CCDC171: variants seen among roughly 807,000 people sequenced by gnomAD.
The protein encoded by CCDC171 is coiled-coil domain containing 171.
In CCDC171, 177 loss-of-function variants were observed where a neutral mutation model predicts 168.2. That is an observed-to-expected ratio of 1.05 (90% CI 0.93 to 1.19). The LOEUF is 1.19. CCDC171 is among the 50% of genes most tolerant of loss of function. The probability of loss-of-function intolerance (pLI) is 0.00; values close to 1 mark genes in which losing one functional copy is unlikely to be tolerated. For synonymous variants in CCDC171, 687 were observed against 540.8 expected, an observed-to-expected ratio of 1.27 and a Z score of -3.75; for missense variants, 1,991 against 1,539.0, an observed-to-expected ratio of 1.29 and a Z score of -4.91.
intron 10 of CCDC171, among the ~76,000 whole-genome samples, chr9:15,680,988 G>T (rs1266397650): frequency 2.6e-5 from 4 of 152,006 alleles, no homozygotes; most frequent in African/African-American, 7.2e-5. Context: ...AATGAGACTG[G>T]TTTAACTCAC....
intron 1 of CCDC171, among the ~76,000 whole-genome samples, chr9:15,562,176 A>G (rs2039355887): frequency 6.6e-6 from 1 of 151,822 alleles, no homozygotes; most frequent in Admixed American, 6.6e-5. Flanking sequence ...CTTTATTTTT[A>G]GTAGAGTCGG....
At chr9:15,636,011 G>A (rs1461848752) in intron 7 of CCDC171, among the ~76,000 whole-genome samples, 1 of 152,094 alleles carries the variant, frequency 6.6e-6, no homozygotes, top group Non-Finnish European at 1.5e-5. Context: ...CCTTATTGTG[G>A]TTTTGATTTG....
the CCDC171 span, among the ~76,000 whole-genome samples, chr9:16,067,287 C>T: frequency 0.15 from 22,148 of 150,778 alleles, 1,711 homozygotes; most frequent in Admixed American, 0.21. Flanking sequence ...TTCATGTCCT[C>T]CGCCCACTTT....
chr9:15,769,195 A>G (rs1043617820), intron 18 of CCDC171, among the ~76,000 whole-genome samples: 2 of 152,364 alleles, frequency 1.3e-5, no homozygotes, highest in Non-Finnish European at 2.9e-5. Flanking sequence ...GAAGATGCAG[A>G]AGTTTTTTTC....
intron 4 of CCDC171, among the ~76,000 whole-genome samples, chr9:15,589,790 C>A (rs1323810313): frequency 6.6e-6 from 1 of 151,786 alleles, no homozygotes; most frequent in South Asian, 2.1e-4. Context: ...AGAAACCTCC[C>A]AGAAATTAGA....
At chr9:15,614,601 G>A (rs1176863344) in intron 6 of CCDC171, among the ~76,000 whole-genome samples, 3 of 152,154 alleles carry the variant, frequency 2.0e-5, no homozygotes, top group Admixed American at 2.0e-4. Context: ...TTCTGGAGCT[G>A]CTTATGTTCT....
the CCDC171 span, among the ~76,000 whole-genome samples, chr9:16,106,312 G>C: frequency 6.6e-6 from 1 of 152,196 alleles, no homozygotes; most frequent in African/African-American, 2.4e-5. Flanking sequence ...GAGAAAAGTA[G>C]GATTTTTCCA....
At chr9:15,961,498 T>C (rs992119010) in intron 25 of CCDC171, among the ~76,000 whole-genome samples, 4 of 152,150 alleles carry the variant, frequency 2.6e-5, no homozygotes, top group African/African-American at 9.7e-5. Flanking sequence ...AGGAACAAAT[T>C]ACTCAGTGTC....
At chr9:15,986,948 A>G (rs78205081) in intron 3 of CCDC171, among the ~76,000 whole-genome samples, 16 of 133,358 alleles carry the variant, frequency 1.2e-4, no homozygotes, top group Non-Finnish European at 1.9e-4. Flanking sequence ...ATTTGTCCAG[A>G]AAAAAAACCT....
chr9:16,021,824 T>C lies in CCDC171; in HGVS notation n.575-508T>C, dbSNP rs1833173044. On this transcript the variant is annotated intron_variant and non_coding_transcript_variant, in intron 4 of 9. Coordinates refer to the CCDC171 transcript ENST00000486641. Reference sequence around the variant, plus strand: ...CTGTACTATGTGGCTAGCTATGTTCTAGATGGTGCAGGATCTGTTAGCCTG... The same window carrying C: ...CTGTACTATGTGGCTAGCTATGTTCCAGATGGTGCAGGATCTGTTAGCCTG... Among the ~76,000 whole-genome samples the C allele has an allele frequency of 2.0e-5, 3 of 152,246 alleles. No individual in the cohort carries two copies. The South Asian group carries it at 6.2e-4, about 31-fold the overall frequency.
intron 4 of CCDC171, among the ~76,000 whole-genome samples, chr9:15,590,657 T>C (rs1035842082): frequency 1.3e-5 from 2 of 152,224 alleles, no homozygotes; most frequent in Non-Finnish European, 2.9e-5. Flanking sequence ...TAAGATGTGT[T>C]ACAACTAGTT....
At chr9:15,690,830 G>T (rs918691196) in intron 10 of CCDC171, among the ~76,000 whole-genome samples, 13 of 152,052 alleles carry the variant, frequency 8.5e-5, no homozygotes, top group Non-Finnish European at 1.5e-4. Flanking sequence ...ATAAAAATGG[G>T]CACATGATAT....
chr9:15,606,034 A>C (rs1215159550), intron 6 of CCDC171, among the ~76,000 whole-genome samples: 1 of 152,154 alleles, frequency 6.6e-6, no homozygotes. Context: ...ATAACGTTTA[A>C]TTTATAAATT....
chr9:15,985,654 A>T (rs1831962283), intron 3 of CCDC171, among the ~76,000 whole-genome samples: 1 of 152,252 alleles, frequency 6.6e-6, no homozygotes, highest in Non-Finnish European at 1.5e-5. Flanking sequence ...GAAAATACTG[A>T]CAATTTAGGA....
intron 6 of CCDC171, among the ~76,000 whole-genome samples, chr9:15,611,769 T>C (rs1438106803): frequency 1.3e-5 from 2 of 152,166 alleles, no homozygotes; most frequent in Non-Finnish European, 2.9e-5. Flanking sequence ...TGTAAAGTAC[T>C]GGTTATAGAG....
intron 23 of CCDC171, among the ~76,000 whole-genome samples, chr9:15,861,666 A>T (rs754107558): frequency 6.8e-6 from 1 of 146,006 alleles, no homozygotes; most frequent in Non-Finnish European, 1.5e-5. Flanking sequence ...TTTGTCGTTG[A>T]TGTCACAATT....
chr9:15,614,917 G>T (rs1048931462), intron 6 of CCDC171, among the ~76,000 whole-genome samples: 3 of 152,086 alleles, frequency 2.0e-5, no homozygotes, highest in Non-Finnish European at 4.4e-5. Context: ...TAAATAGATT[G>T]AGTCAATGTC....
chr9:15,573,202 T>A (rs998900332), intron 3 of CCDC171, among the ~76,000 whole-genome samples: 1 of 152,190 alleles, frequency 6.6e-6, no homozygotes. Context: ...GTATTGCTGA[T>A]TGAAATAACA....
chr9:15,872,810 A>G (rs1176881764), intron 23 of CCDC171, among the ~76,000 whole-genome samples: 3 of 152,052 alleles, frequency 2.0e-5, no homozygotes, highest in African/African-American at 7.2e-5. Flanking sequence ...CTTAATCCAC[A>G]TTAATGTTTT....
Sources: gnomAD v4.1 joint callset for allele counts (sites outside exome capture counted in the v4.1 genomes callset) on GRCh38, gnomAD v4.1.1 for gene constraint, MANE v1.5 for transcripts, NCBI Gene and HGNC (gene_info 2026-07-23, HGNC 2026-07-21) for gene names.